RNF38: variants seen among roughly 807,000 people sequenced by gnomAD.
RNF38 encodes ring finger protein 38.
RNF38 carries 15 observed loss-of-function variants against 67.2 expected under a neutral mutation model. The observed-to-expected ratio is 0.22, with a 90% CI of 0.15 to 0.34. The LOEUF (loss-of-function observed/expected upper bound fraction) is 0.34. RNF38 is among the 10% of genes least tolerant of loss of function. RNF38 has a pLI of 1.00. For missense variants in RNF38, 524 were observed against 639.9 expected (o/e 0.82, Z 1.95); for synonymous variants, 220 against 218.8 (o/e 1.01, Z -0.05).
intron 10 of RNF38, 39 bp from the exon 11 acceptor site, chr9:36,342,463 A>C: frequency 8.0e-7 from 1 of 1,256,390 alleles, no homozygotes; most frequent in Non-Finnish European, 1.2e-6. Flanking sequence ...ACAAAACCAG[A>C]TGGTTTTCTA....
intron 3 of RNF38, among the ~76,000 whole-genome samples, chr9:36,374,477 C>G (rs1835634951): frequency 6.6e-6 from 1 of 152,104 alleles, no homozygotes; most frequent in South Asian, 2.1e-4. Flanking sequence ...AGGATGAGTT[C>G]CCCGACATCT....
At chr9:36,444,108 A>C (rs1465603110) in intron 1 of RNF38, among the ~76,000 whole-genome samples, 1 of 152,222 alleles carries the variant, frequency 6.6e-6, no homozygotes, top group Non-Finnish European at 1.5e-5. Context: ...AATGTTTTCA[A>C]AACACTCTGA....
At chr9:36,456,361 A>G (rs1839595443) in intron 1 of RNF38, among the ~76,000 whole-genome samples, 1 of 152,170 alleles carries the variant, frequency 6.6e-6, no homozygotes, top group African/African-American at 2.4e-5. Flanking sequence ...CTGGTCTCAA[A>G]CAATTTTTAT....
chr9:36,436,740 G>A (rs546173975), intron 1 of RNF38, among the ~76,000 whole-genome samples: 3 of 150,472 alleles, frequency 2.0e-5, no homozygotes, highest in Admixed American at 6.7e-5. Context: ...GGAGAATGGC[G>A]TGGACCCGGG....
intron 1 of RNF38, among the ~76,000 whole-genome samples, chr9:36,460,885 CAA>C (rs752827635): frequency 1.3e-4 from 7 of 52,938 alleles, no homozygotes; most frequent in Admixed American, 2.6e-4. Context: ...GAAACTCTCT[CAA>C]AAAAAAAAAA....
At chr9:36,421,715 C>T (rs770218708) in intron 2 of RNF38, among the ~76,000 whole-genome samples, 5 of 151,998 alleles carry the variant, frequency 3.3e-5, no homozygotes, top group Non-Finnish European at 5.9e-5. Context: ...TTGGCGTAAA[C>T]GTGCTCTATG....
chr9:36,380,925 G>GGAATAGAAGATGA (rs1232837422), intron 2 of RNF38, among the ~76,000 whole-genome samples: 3 of 152,204 alleles, frequency 2.0e-5, no homozygotes, highest in African/African-American at 7.2e-5. Flanking sequence ...AGAAGATAAG[G>GGAATAGAAGATGA]CCTTATGACT....
At position 36,339,685 on chromosome 9, in the gene RNF38, T is replaced by A; in HGVS notation, c.*67A>T. The stretch of plus-strand genomic sequence containing the variant: ...GGGCTGGAAGCCACACAGATTAAGT[T>A]CAATGGATAGTCCGTATATACATGT... On this transcript the variant is annotated 3_prime_UTR_variant, in exon 12 of 12. Coordinates refer to ENST00000259605, the MANE Select transcript of RNF38 (RefSeq NM_022781.5). 1 of 1,296,444 alleles carries A rather than the reference T, an allele frequency of 7.7e-7. No homozygotes were observed. Among genetic ancestry groups the A allele is most frequent in the Non-Finnish European group, 1.1e-6 (1 of 903,958 alleles). 80.3% of individuals were successfully genotyped at this position (1,296,444 alleles called of 1,614,324 possible). A position where few individuals can be genotyped will look rare whatever the true frequency, so the allele number is the denominator to read the frequency against.
At chr9:36,421,202 C>A (rs925257922) in intron 2 of RNF38, among the ~76,000 whole-genome samples, 6 of 152,206 alleles carry the variant, frequency 3.9e-5, no homozygotes, top group Non-Finnish European at 8.8e-5. Context: ...GCAAAGACAA[C>A]AAGCAAAGAA....
chr9:36,432,138 TTTTG>T (rs1335235000), intron 1 of RNF38, among the ~76,000 whole-genome samples: 1 of 144,484 alleles, frequency 6.9e-6, no homozygotes, highest in Non-Finnish European at 1.6e-5. Flanking sequence ...ATTAAGTTTT[TTTTG>T]TTTTTTTTTT....
chr9:36,370,506 T>C (rs1200798889), intron 3 of RNF38, among the ~76,000 whole-genome samples: 1 of 152,072 alleles, frequency 6.6e-6, no homozygotes, highest in African/African-American at 2.4e-5. Context: ...TGATTGAGAA[T>C]ATGATAGTAT....
intron 1 of RNF38, among the ~76,000 whole-genome samples, chr9:36,460,903 A>AG (rs1554699820): frequency 7.8e-4 from 114 of 145,416 alleles, no homozygotes; most frequent in South Asian, 4.6e-3. Flanking sequence ...AAAAAAAAAA[A>AG]AAAGAAAGAA....
chr9:36,480,410 A>T (rs149497080), intron 1 of RNF38, among the ~76,000 whole-genome samples: 1 of 152,308 alleles, frequency 6.6e-6, no homozygotes, highest in East Asian at 1.9e-4. Context: ...AGCATGCAGC[A>T]TCTGCAGCCA....
intron 9 of RNF38, 81 bp downstream of exon 9, chr9:36,351,034 C>T (rs939519783): frequency 2.0e-5 from 20 of 987,740 alleles, no homozygotes; most frequent in Admixed American, 4.3e-5. Flanking sequence ...AGATTGGACA[C>T]CTGTGGTTTA....
chr9:36,461,289 G>A (rs866018510), intron 1 of RNF38, among the ~76,000 whole-genome samples: 1 of 152,178 alleles, frequency 6.6e-6, no homozygotes, highest in Non-Finnish European at 1.5e-5. Flanking sequence ...GTAGTGGTAA[G>A]CTGTATGCTA....
intron 6 of RNF38, among the ~76,000 whole-genome samples, chr9:36,355,690 A>G (rs1834047595): frequency 6.6e-6 from 1 of 152,204 alleles, no homozygotes; most frequent in Admixed American, 6.5e-5. Context: ...TTCCTGAAGG[A>G]CTGCAGATGT....
intron 1 of RNF38, among the ~76,000 whole-genome samples, chr9:36,476,027 GA>G (rs1840113718): frequency 7.2e-6 from 1 of 139,678 alleles, no homozygotes; most frequent in Non-Finnish European, 1.6e-5. Context: ...AAAAAAAAAA[GA>G]AAGAAATATA....
At chr9:36,392,882 A>G (rs1837217879) in intron 1 of RNF38, among the ~76,000 whole-genome samples, 1 of 152,236 alleles carries the variant, frequency 6.6e-6, no homozygotes, top group Admixed American at 6.5e-5. Flanking sequence ...TAATATTTAA[A>G]GGCCATAAAA....
rs529541182 is a variant in RNF38, at chr9:36,462,028, G to A, written n.241+25280C>T. Among the ~76,000 whole-genome samples the A allele has an allele frequency of 4.6e-5, 7 of 152,282 alleles. No individual in the cohort carries two copies. The South Asian group carries it at 1.5e-3, about 32-fold the overall frequency. The stretch of plus-strand genomic sequence containing the variant: ...GAAAAGAGGTTGGCAAAAAGTATAT[G>A]CAAAGGTAAGAGGAAAACAAGGATT... On this transcript the variant is annotated intron_variant and non_coding_transcript_variant, in intron 1 of 3. Transcript: ENST00000488058.
Sources: allele counts gnomAD v4.1 joint callset (sites outside exome capture counted in the v4.1 genomes callset), GRCh38; gene constraint gnomAD v4.1.1; transcripts MANE v1.5; gene names NCBI Gene and HGNC (gene_info 2026-07-23, HGNC 2026-07-21).